Variants in CCDC171 observed in about 807,000 individuals in gnomAD.
CCDC171 encodes the protein coiled-coil domain-containing protein 171.
CCDC171 carries 177 observed loss-of-function variants against 168.2 expected under a neutral mutation model. That is an observed-to-expected ratio of 1.05 (90% CI 0.93 to 1.19). The LOEUF is 1.19. CCDC171 is among the 50% of genes most tolerant of loss of function. CCDC171 has a pLI of 0.00. For synonymous variants in CCDC171, 687 were observed against 540.8 expected (o/e 1.27, Z -3.75); for missense variants, 1,991 against 1,539.0 (o/e 1.29, Z -4.91).
intron 3 of CCDC171, among the ~76,000 whole-genome samples, chr9:15,991,581 G>C (rs1318674385): frequency 6.6e-6 from 1 of 152,116 alleles, no homozygotes; most frequent in Non-Finnish European, 1.5e-5. Context: ...ACTAAGATCA[G>C]AGCAGAACTG....
chr9:16,100,217 G>A, the CCDC171 span, among the ~76,000 whole-genome samples: 1 of 152,054 alleles, frequency 6.6e-6, no homozygotes, highest in African/African-American at 2.4e-5. Context: ...ATTTATGAGA[G>A]GAAAAACCTA....
chr9:16,075,768 G>A, the CCDC171 span, among the ~76,000 whole-genome samples: 1 of 152,164 alleles, frequency 6.6e-6, no homozygotes, highest in Non-Finnish European at 1.5e-5. Context: ...CTATAGATAA[G>A]TTTTTCAATC....
chr9:15,920,358 A>C lies in CCDC171; in HGVS notation c.3689A>C (p.His1230Pro). 6.2e-7 allele frequency: 1 copy of C among 1,610,468 alleles called. No individual in the cohort carries two copies. Among genetic ancestry groups the C allele is most frequent in the Non-Finnish European group, 8.5e-7 (1 of 1,177,634 alleles). ...LEKEMTSHRS[H>P]IAALKSELHT... ...AAGGAAATGACATCTCATCGAAGTC[A>C]CATTGCAGCCTTGAAATCAGAACTT... Residue 1230 changes from histidine to proline, a missense_variant, in exon 25 of 26, where the codon CAC (histidine) becomes CCC (proline). By Grantham distance (77) the His-to-Pro change is moderately conservative (BLOSUM62 -2). Coordinates refer to ENST00000380701, the MANE Select transcript of CCDC171 (RefSeq NM_173550.4).
intron 10 of CCDC171, among the ~76,000 whole-genome samples, chr9:15,687,188 ATTAGAAAACAC>A (rs1186757185): frequency 2.6e-5 from 4 of 152,250 alleles, no homozygotes; most frequent in African/African-American, 7.2e-5. Context: ...TCACAAAGGA[ATTAGAAAACAC>A]TTTGAGATGA....
At chr9:16,106,972 T>G in the CCDC171 span, among the ~76,000 whole-genome samples, 1 of 152,198 alleles carries the variant, frequency 6.6e-6, no homozygotes, top group Non-Finnish European at 1.5e-5. Flanking sequence ...CTGCCTCCCC[T>G]AGCTCTCGCA....
At chr9:15,607,807 GTTCA>G (rs1035052091) in intron 6 of CCDC171, among the ~76,000 whole-genome samples, 1 of 152,072 alleles carries the variant, frequency 6.6e-6, no homozygotes, top group Non-Finnish European at 1.5e-5. Context: ...AATAGCTTCT[GTTCA>G]TTCAGTTTAA....
At chr9:16,053,767 GCT>G (rs1393679037) in intron 1 of CCDC171, among the ~76,000 whole-genome samples, 2 of 152,200 alleles carry the variant, frequency 1.3e-5, no homozygotes, top group African/African-American at 4.8e-5. Flanking sequence ...CCTCACTGGG[GCT>G]GCACCACTTC....
intron 3 of CCDC171, among the ~76,000 whole-genome samples, chr9:15,979,240 A>G (rs1831717620): frequency 6.6e-6 from 1 of 152,132 alleles, no homozygotes; most frequent in South Asian, 2.1e-4. Flanking sequence ...CTGCAAATAG[A>G]CACAGTTTTA....
At position 15,920,848 on chromosome 9, in the gene CCDC171, T is replaced by A. The variant is rs193220006; in HGVS notation, c.3753+426T>A. On this transcript the variant is annotated intron_variant, in intron 25 of 25. Coordinates refer to ENST00000380701, the MANE Select transcript of CCDC171 (RefSeq NM_173550.4). ...GAAATCTAGACTTATCCATAATACA[T>A]GCCTAGCTAAAGATGCATGTTGTGA... Among the ~76,000 whole-genome samples, 6 of 151,800 alleles carry A rather than the reference T, an allele frequency of 4.0e-5. No homozygotes were observed. In the East Asian group the frequency reaches 9.7e-4, roughly 25 times the overall value.
At chr9:15,967,069 A>G (rs1830870648) in intron 25 of CCDC171, among the ~76,000 whole-genome samples, 1 of 152,200 alleles carries the variant, frequency 6.6e-6, no homozygotes, top group Non-Finnish European at 1.5e-5. Context: ...GGCTGTCTGT[A>G]TAAACTACGG....
chr9:16,104,640 A>G, the CCDC171 span, among the ~76,000 whole-genome samples: 78 of 152,218 alleles, frequency 5.1e-4, no homozygotes, highest in South Asian at 1.7e-3. Context: ...TCATTCATCC[A>G]TCCATGCACC....
At chr9:15,801,468 A>G (rs1326064606) in intron 21 of CCDC171, among the ~76,000 whole-genome samples, 1 of 152,068 alleles carries the variant, frequency 6.6e-6, no homozygotes, top group East Asian at 1.9e-4. Flanking sequence ...CTGATTTTGT[A>G]TCCTGCAGCT....
At chr9:15,814,475 C>G (rs530963193) in intron 21 of CCDC171, among the ~76,000 whole-genome samples, 1 of 152,224 alleles carries the variant, frequency 6.6e-6, no homozygotes, top group East Asian at 1.9e-4. Context: ...AGTACAGAAA[C>G]TGTTACTTCC....
intron 21 of CCDC171, among the ~76,000 whole-genome samples, chr9:15,797,281 A>C (rs559688483): frequency 1.1e-4 from 17 of 152,286 alleles, no homozygotes; most frequent in Admixed American, 2.6e-4. Context: ...CAGTGGCGCT[A>C]TCATGGGTCA....
chr9:15,655,809 G>A (rs1044054550), intron 7 of CCDC171, among the ~76,000 whole-genome samples: 8 of 152,194 alleles, frequency 5.3e-5, no homozygotes, highest in African/African-American at 1.9e-4. Context: ...ATGAAAAGAT[G>A]CTCAGTGTCA....
intron 21 of CCDC171, among the ~76,000 whole-genome samples, chr9:15,809,318 T>G (rs1415921068): frequency 5.3e-5 from 8 of 152,324 alleles, no homozygotes; most frequent in Middle Eastern, 3.4e-3. Context: ...ACTAGCCACG[T>G]GTGGCTATTG....
At chr9:16,103,311 G>A in the CCDC171 span, among the ~76,000 whole-genome samples, 2,137 of 152,268 alleles carry the variant, frequency 0.014, 13 homozygotes, top group Non-Finnish European at 0.022. Flanking sequence ...GATGGGCCTG[G>A]GAGCAGGGAG....
upstream of CCDC171, among the ~76,000 whole-genome samples, chr9:16,039,967 C>T (rs909662198): frequency 6.6e-6 from 1 of 152,164 alleles, no homozygotes; most frequent in East Asian, 1.9e-4. Flanking sequence ...AGCATACAAG[C>T]TTATTTCTAA....
chr9:15,612,668 C>T (rs2043787533), intron 6 of CCDC171, among the ~76,000 whole-genome samples: 1 of 152,030 alleles, frequency 6.6e-6, no homozygotes, highest in African/African-American at 2.4e-5. Flanking sequence ...GGCACATTGC[C>T]TTTTGTGTGC....
Sources: allele counts gnomAD v4.1 joint callset (sites outside exome capture counted in the v4.1 genomes callset), GRCh38; gene constraint gnomAD v4.1.1; transcripts MANE v1.5; gene names NCBI Gene and HGNC (gene_info 2026-07-23, HGNC 2026-07-21).